CCDC91: variants seen among roughly 807,000 people sequenced by gnomAD.
CCDC91 encodes coiled-coil domain containing 91.
CCDC91 carries 48 observed loss-of-function variants against 63.2 expected under a neutral mutation model. The observed-to-expected ratio is 0.76, with a 90% confidence interval of 0.60 to 0.97. The LOEUF (loss-of-function observed/expected upper bound fraction) is 0.97, where lower values mean the gene tolerates loss of function less well. CCDC91 is among the 50% of genes least tolerant of loss of function. The pLI is 0.00. For missense variants in CCDC91, 500 were observed against 494.6 expected (o/e 1.01, Z -0.10); for synonymous variants, 167 against 165.8 (o/e 1.01, Z -0.06).
At chr12:28,537,607 T>C (rs1942279269) in intron 12 of CCDC91, among the ~76,000 whole-genome samples, 1 of 152,184 alleles carries the variant, frequency 6.6e-6, no homozygotes, top group Admixed American at 6.5e-5. Context: ...AGGTCAGAAG[T>C]AAACAGTTCA....
chr12:28,256,761 A>T (rs1397151958), intron 1 of CCDC91: 1 of 153,754 alleles, frequency 6.5e-6, no homozygotes, highest in Non-Finnish European at 1.4e-5. Flanking sequence ...GAAAATCTAA[A>T]TCAGCCTTGG....
chr12:28,239,039 G>T (rs1212894122), intron 1 of CCDC91, among the ~76,000 whole-genome samples: 1 of 151,540 alleles, frequency 6.6e-6, no homozygotes, highest in Non-Finnish European at 1.5e-5. Context: ...AGAATTGCTT[G>T]AACCCAGGAG....
At chr12:28,229,948 A>G (rs1944486554) in intron 1 of CCDC91, among the ~76,000 whole-genome samples, 1 of 152,170 alleles carries the variant, frequency 6.6e-6, no homozygotes, top group Admixed American at 6.5e-5. Flanking sequence ...GTCTTACCCT[A>G]TTTGAAGATA....
intron 8 of CCDC91, among the ~76,000 whole-genome samples, chr12:28,431,548 A>G (rs1948626442): frequency 6.6e-6 from 1 of 151,054 alleles, no homozygotes; most frequent in African/African-American, 2.4e-5. Flanking sequence ...CTATTTTTCC[A>G]TTCATTAATT....
At chr12:28,400,354 A>T (rs1352185283) in intron 8 of CCDC91, among the ~76,000 whole-genome samples, 1 of 45,574 alleles carries the variant, frequency 2.2e-5, no homozygotes, top group Non-Finnish European at 4.8e-5. Context: ...CCCCACCCCC[A>T]CCCCCACCCT....
At chr12:28,364,090 A>G (rs1416908667) in intron 7 of CCDC91, among the ~76,000 whole-genome samples, 1 of 152,090 alleles carries the variant, frequency 6.6e-6, no homozygotes, top group Non-Finnish European at 1.5e-5. Context: ...GGTCATTAAA[A>G]AATGTCTGAT....
chr12:28,435,738 C>G (rs961139286), intron 8 of CCDC91, among the ~76,000 whole-genome samples: 3 of 151,700 alleles, frequency 2.0e-5, no homozygotes, highest in Admixed American at 1.3e-4. Flanking sequence ...GTGGACTTAT[C>G]TTTTCTCCTT....
chr12:28,278,162 C>T (rs970231268), intron 3 of CCDC91, among the ~76,000 whole-genome samples: 1 of 151,994 alleles, frequency 6.6e-6, no homozygotes, highest in African/African-American at 2.4e-5. Context: ...TGTTCTTTTT[C>T]ATTAATTACT....
chr12:28,350,048 AT>A (rs750580805), intron 6 of CCDC91, among the ~76,000 whole-genome samples: 33 of 152,104 alleles, frequency 2.2e-4, no homozygotes, highest in African/African-American at 3.4e-4. Context: ...CTTCTTTAAG[AT>A]TGTCTTTTTT....
At chr12:28,546,263 T>C (rs989392526) in intron 12 of CCDC91, among the ~76,000 whole-genome samples, 1 of 152,098 alleles carries the variant, frequency 6.6e-6, no homozygotes, top group Non-Finnish European at 1.5e-5. Flanking sequence ...ATTTTGTGCC[T>C]ATGATAAAAG....
rs77191555 is a variant in CCDC91, at chr12:28,370,171, A to G, written c.654+7656A>G. ...CAGTCTGCAAATTTTCCAAACTTTT[A>G]TATTCTGCTTCCCTTTTAAAAATGA... On this transcript the variant is annotated intron_variant, in intron 7 of 12. Coordinates refer to ENST00000536442, the MANE Select transcript of CCDC91 (RefSeq NM_018318.5). 1.7e-3 allele frequency among the ~76,000 whole-genome samples: 260 copies of G among 152,286 alleles called. 11 individuals carry two copies. In the East Asian group the frequency reaches 0.046, roughly 27 times the overall value.
At chr12:28,306,233 TA>T (rs1308106923) in intron 4 of CCDC91, among the ~76,000 whole-genome samples, 3 of 152,112 alleles carry the variant, frequency 2.0e-5, no homozygotes, top group Admixed American at 2.0e-4. Flanking sequence ...TTCATTCAAA[TA>T]TTTTTTAAAG....
At chr12:28,390,425 A>G (rs1945860718) in intron 7 of CCDC91, among the ~76,000 whole-genome samples, 1 of 152,144 alleles carries the variant, frequency 6.6e-6, no homozygotes, top group Admixed American at 6.5e-5. Context: ...TAGAGTTCTT[A>G]TAGAATGATT....
intron 11 of CCDC91, among the ~76,000 whole-genome samples, chr12:28,474,971 A>G (rs1200553297): frequency 1.3e-5 from 2 of 152,198 alleles, no homozygotes; most frequent in Non-Finnish European, 2.9e-5. Flanking sequence ...GGAAACTGGT[A>G]AGGATGGAAT....
intron 1 of CCDC91, among the ~76,000 whole-genome samples, chr12:28,245,706 A>C (rs956041390): frequency 6.6e-6 from 1 of 152,190 alleles, no homozygotes; most frequent in African/African-American, 2.4e-5. Context: ...TATCATTGAT[A>C]ATCATATGAA....
intron 7 of CCDC91, among the ~76,000 whole-genome samples, chr12:28,368,265 AC>A (rs1944401303): frequency 2.6e-5 from 4 of 152,230 alleles, no homozygotes; most frequent in Admixed American, 2.0e-4. Flanking sequence ...TGAAAAAAGA[AC>A]TTTTAACCAC....
intron 6 of CCDC91, among the ~76,000 whole-genome samples, chr12:28,312,986 G>A (rs762196289): frequency 1.1e-4 from 16 of 151,968 alleles, no homozygotes; most frequent in East Asian, 7.8e-4. Flanking sequence ...GTGTGAAAAC[G>A]GACTAATACA....
intron 1 of CCDC91, among the ~76,000 whole-genome samples, chr12:28,252,634 ATGAACTATCTTCTGTTG>A (rs1295855185): frequency 2.0e-5 from 3 of 152,052 alleles, no homozygotes; most frequent in Non-Finnish European, 4.4e-5. Context: ...TAATTCATGG[ATGAACTATCTTCTGTTG>A]TTAACTTTCT....
intron 12 of CCDC91, among the ~76,000 whole-genome samples, chr12:28,488,557 A>T (rs138024551): frequency 6.6e-6 from 1 of 151,906 alleles, no homozygotes; most frequent in African/African-American, 2.4e-5. Context: ...AAAATCTATC[A>T]TGCTAATCCT....
Sources: gnomAD v4.1 joint callset for allele counts (sites outside exome capture counted in the v4.1 genomes callset) on GRCh38, gnomAD v4.1.1 for gene constraint, MANE v1.5 for transcripts, NCBI Gene and HGNC (gene_info 2026-07-23, HGNC 2026-07-21) for gene names.